ZFC3H1: variants seen among roughly 807,000 people sequenced by gnomAD.
ZFC3H1 encodes the protein zinc finger C3H1-type containing.
In ZFC3H1, 71 loss-of-function variants were observed where a neutral mutation model predicts 243.7. The ratio of observed to expected loss-of-function variants is 0.29; its 90% CI spans 0.24 to 0.36. The LOEUF (loss-of-function observed/expected upper bound fraction) is 0.36, where lower values mean the gene tolerates loss of function less well. Among genes scored for constraint, ZFC3H1 ranks in the 10% least tolerant of loss-of-function variants. The pLI, the probability that ZFC3H1 is intolerant of heterozygous loss-of-function variation, is 1.00. For synonymous variants in ZFC3H1, 838 were observed against 813.0 expected (o/e 1.03, Z -0.52); for missense variants, 1,966 against 2,317.1 (o/e 0.85, Z 3.11).
intron 3 of ZFC3H1, among the ~76,000 whole-genome samples, chr12:71,646,855 A>T (rs1288308120): frequency 6.6e-6 from 1 of 152,250 alleles, no homozygotes; most frequent in African/African-American, 2.4e-5. Context: ...GAACAGCAAG[A>T]GCACAGAGCT....
rs772221077 is a variant in ZFC3H1 at position 71,611,079 on chromosome 12, A to G, written c.5748T>C (p.Ile1916=). 1.3e-6 allele frequency: 2 copies of G among 1,591,324 alleles called. No homozygotes were observed. The highest frequency in any genetic ancestry group is 2.3e-5 in the East Asian group (1 of 44,406). ...ATWKIAIAAE[I]VLKGQREVHR... The stretch of plus-strand genomic sequence containing the variant: ...TTACCTCTCTTTGTCCCTTTAGAAC[A>G]ATCTCAGCAGCAATGGCTCTAAGAG... Residue 1916 remains isoleucine (I), a synonymous_variant, in exon 33 of 35, where the codon ATT becomes ATC. Transcript: ENST00000378743.
intron 7 of ZFC3H1, among the ~76,000 whole-genome samples, 199 bp from the exon 8 acceptor site, chr12:71,637,258 T>TA (rs1012128751): frequency 3.3e-5 from 5 of 152,074 alleles, no homozygotes; most frequent in East Asian, 3.9e-4. Context: ...TTTACAATTT[T>TA]AAAAAAAATC....
chr12:71,649,657 G>A (rs1006797084), intron 2 of ZFC3H1, among the ~76,000 whole-genome samples: 2 of 151,972 alleles, frequency 1.3e-5, no homozygotes, highest in Non-Finnish European at 2.9e-5. Flanking sequence ...AAATGATCAC[G>A]CTTTTAAAAA....
At chr12:71,645,521 C>A (rs1317773535) in intron 3 of ZFC3H1, among the ~76,000 whole-genome samples, 2 of 152,136 alleles carry the variant, frequency 1.3e-5, no homozygotes, top group African/African-American at 4.8e-5. Flanking sequence ...TAATAGAGAA[C>A]AACAGACACA....
chr12:71,649,607 T>C (rs1403646132), intron 2 of ZFC3H1, among the ~76,000 whole-genome samples: 1 of 152,242 alleles, frequency 6.6e-6, no homozygotes, highest in Non-Finnish European at 1.5e-5. Context: ...AATTTTGCAG[T>C]GTGGTAATTT....
intron 27 of ZFC3H1, among the ~76,000 whole-genome samples, chr12:71,616,668 C>T (rs1485205120): frequency 3.9e-5 from 6 of 151,960 alleles, no homozygotes; most frequent in African/African-American, 1.5e-4. Flanking sequence ...ACATTGATCG[C>T]AAAAATGACA....
At chr12:71,628,808 A>AT (rs1278908504) in intron 20 of ZFC3H1, 110 bp downstream of exon 20, 161 of 1,193,242 alleles carry the variant, frequency 1.3e-4, no homozygotes, top group Non-Finnish European at 1.4e-4. Flanking sequence ...TTTAAAAAAA[A>AT]TTTTTTTTTA....
rs1288045561 is a variant in ZFC3H1 at position 71,653,506 on chromosome 12, A to G, written c.1015+3379T>C. ...ATCATTTTTTCAGAACCACTGCAAG[A>G]TCCAATCCAGATTCAAGAAACAACA... On this transcript the variant is annotated intron_variant, in intron 2 of 34. Coordinates refer to ENST00000378743, the MANE Select transcript of ZFC3H1 (RefSeq NM_144982.5). Among the ~76,000 whole-genome samples the G allele has an allele frequency of 3.9e-5, 6 of 152,246 alleles. No homozygotes were observed. The South Asian group carries it at 1.0e-3, about 26-fold the overall frequency.
Position 71,636,824 on chromosome 12 carries a change from C to A in ZFC3H1, c.1935+26G>T, listed in dbSNP as rs1432440949. On this transcript the variant is annotated intron_variant, in intron 8 of 34. Coordinates refer to ENST00000378743, the MANE Select transcript of ZFC3H1 (RefSeq NM_144982.5). ...CGTAAAGCTAAGCTCAAGAGCACCA[C>A]CTAGAGGTTTAGGTACCTAAATTAC... 3.1e-6 allele frequency: 5 copies of A among 1,610,806 alleles called. No homozygotes were observed. In the African/African-American group the frequency reaches 6.7e-5, roughly 22 times the overall value.
chr12:71,662,734 T>C (rs1881218054), intron 1 of ZFC3H1, among the ~76,000 whole-genome samples: 1 of 152,212 alleles, frequency 6.6e-6, no homozygotes, highest in African/African-American at 2.4e-5. Context: ...TAATGAAACT[T>C]GGGCTTCTAA....
intron 7 of ZFC3H1, among the ~76,000 whole-genome samples, chr12:71,637,693 A>T (rs1463736241): frequency 1.3e-5 from 2 of 152,186 alleles, no homozygotes; most frequent in African/African-American, 4.8e-5. Flanking sequence ...TACAACGAAG[A>T]AAGTGCTGTT....
In ZFC3H1 at chr12:71,647,566, C is replaced by T. The variant is rs1048187064; in HGVS notation, c.1080+183G>A. Among the ~76,000 whole-genome samples, 3 of 151,962 alleles carry T rather than the reference C, an allele frequency of 2.0e-5. No individual in the cohort carries two copies. In the East Asian group the frequency reaches 5.8e-4, roughly 29 times the overall value. ...TTAATTAAACATAATTTGCAGAACC[C>T]AGGGAAAAGAGACTGCAAGATGTCG... On this transcript the variant is annotated intron_variant, in intron 3 of 34. Coordinates refer to ENST00000378743, the MANE Select transcript of ZFC3H1 (RefSeq NM_144982.5).
intron 7 of ZFC3H1, among the ~76,000 whole-genome samples, chr12:71,637,642 T>C (rs1212919265): frequency 6.6e-6 from 1 of 152,212 alleles, no homozygotes; most frequent in African/African-American, 2.4e-5. Context: ...ACTATTTCCC[T>C]TGGCATTTAG....
At chr12:71,615,837 C>A (rs1208967813) in intron 27 of ZFC3H1, among the ~76,000 whole-genome samples, 1 of 151,864 alleles carries the variant, frequency 6.6e-6, no homozygotes, top group Admixed American at 6.6e-5. Context: ...TTATTTTATA[C>A]CTATATGAAA....
intron 3 of ZFC3H1, among the ~76,000 whole-genome samples, chr12:71,646,123 A>G (rs973675048): frequency 1.3e-5 from 2 of 152,224 alleles, no homozygotes; most frequent in Non-Finnish European, 2.9e-5. Context: ...AAAACAGTGG[A>G]TACTAACTAA....
chr12:71,632,308 A>G lies in ZFC3H1; in HGVS notation c.3024T>C (p.Ser1008=). 1 of 1,613,908 alleles carries G rather than the reference A, an allele frequency of 6.2e-7. No homozygotes were observed. The highest frequency in any genetic ancestry group is 8.5e-7 in the Non-Finnish European group (1 of 1,179,874). The change falls in exon 15 of 35, where the codon TCT becomes TCC. Residue 1008 remains serine (S), a synonymous_variant. Transcript: ENST00000378743. ...SPVVEEEPEF[S]LPQPSLHDLT... is the part of the protein sequence containing the mutation. ...GATCATGAAGTGAGGGTTGAGGTAA[A>G]GAAAATTCGGGTTCCTCTTCCACAA...
chr12:71,663,521 G>T lies in ZFC3H1; in HGVS notation c.90C>A (p.Asp30Glu). The change falls in exon 1 of 35, where the codon GAC becomes GAA. Residue 30 changes from aspartate (D) to glutamate (E), a missense_variant. Physicochemically the swap from Asp to Glu is conservative, Grantham distance 45 (BLOSUM62 2). Around this residue, in one of 4 missense-constraint regions of ZFC3H1, gnomAD observed 484 missense variants for 449.7 expected, o/e 1.08. Coordinates refer to ENST00000378743, the MANE Select transcript of ZFC3H1 (RefSeq NM_144982.5). ...GELEDGEISD[D>E]DNNSQIRSRS... is the part of the protein sequence containing the mutation. ...GACTCCGTATCTGGCTGTTATTATC[G>T]TCGTCACTGATTTCCCCATCTTCAA... 1.2e-6 allele frequency: 2 copies of T among 1,613,556 alleles called. No individual in the cohort carries two copies. The highest frequency in any genetic ancestry group is 1.7e-6 in the Non-Finnish European group (2 of 1,180,036).
At chr12:71,626,934 G>A (rs1436872704) in intron 21 of ZFC3H1, among the ~76,000 whole-genome samples, 2 of 152,128 alleles carry the variant, frequency 1.3e-5, no homozygotes, top group African/African-American at 4.8e-5. Flanking sequence ...ATAAAATAAT[G>A]TATGGTTCTT....
Position 71,663,785 on chromosome 12 carries a change from G to A in ZFC3H1, c.-175C>T. The A allele has an allele frequency of 2.8e-6, 2 of 718,276 alleles. No individual in the cohort carries two copies. Among genetic ancestry groups the A allele is most frequent in the Non-Finnish European group, 4.5e-6 (2 of 443,336 alleles). 44.5% of individuals were successfully genotyped at this position (718,276 alleles called of 1,614,324 possible). On this transcript the variant is annotated 5_prime_UTR_variant, in exon 1 of 35. Coordinates refer to ENST00000378743, the MANE Select transcript of ZFC3H1 (RefSeq NM_144982.5). The stretch of plus-strand genomic sequence containing the variant: ...CACCCCAGCACCCCAGCTCTCTCTC[G>A]CCGGACCGTCGCAACCCAGTTCCCT...
Sources: gnomAD v4.1 joint callset for allele counts (sites outside exome capture counted in the v4.1 genomes callset) on GRCh38, gnomAD v4.1.1 for gene constraint, gnomAD v4.1.1 regional missense constraint, MANE v1.5 for transcripts, NCBI Gene and HGNC (gene_info 2026-07-23, HGNC 2026-07-21) for gene names.